The following PSG5 variants were observed in gnomAD, a reference collection of about 807,000 sequenced individuals.
The protein encoded by PSG5 is pregnancy-specific beta-1-glycoprotein 5.
PSG5 carries 53 observed loss-of-function variants against 37.7 expected under a neutral mutation model. That is an observed-to-expected ratio of 1.41 (90% CI 1.13 to 1.77). The LOEUF (loss-of-function observed/expected upper bound fraction) is 1.77, where lower values mean the gene tolerates loss of function less well. Among genes scored for constraint, PSG5 ranks in the 40% most tolerant of loss-of-function variants. The pLI is 0.00. For synonymous variants in PSG5, 221 were observed against 155.4 expected (o/e 1.42, Z -3.14); for missense variants, 547 against 405.2 (o/e 1.35, Z -3.00).
Position 43,169,960 on chromosome 19 carries a change from A to G in PSG5, c.*40+95T>C, listed in dbSNP as rs1056925875. 7 of 729,534 alleles carry G rather than the reference A, an allele frequency of 9.6e-6. No individual in the cohort carries two copies. In the African/African-American group the frequency reaches 1.3e-4, roughly 13 times the overall value. The allele number at this position is 729,534 out of a possible 1,614,324, so 45.2% of individuals were successfully genotyped here. A position where few individuals can be genotyped will look rare whatever the true frequency, so the allele number is the denominator to read the frequency against. On this transcript the variant is annotated intron_variant, in intron 5 of 5. Coordinates refer to ENST00000342951, the MANE Select transcript of PSG5 (RefSeq NM_002781.4). ...AGGAGTTTAGTGGAGGAAGGAGGAG[A>G]TGCAGTCCCAGATACAAGCAAATAA...
At chr19:43,168,295 C>A (rs1187722500) in intron 5 of PSG5, 92 bp from the exon 6 acceptor site, 1 of 351,722 alleles carries the variant, frequency 2.8e-6, no homozygotes, top group African/African-American at 2.1e-5. Flanking sequence ...AATCCAGTTA[C>A]TTCTGTGGCA....
intron 2 of PSG5, among the ~76,000 whole-genome samples, chr19:43,181,381 C>G (rs772845914): frequency 6.6e-6 from 1 of 151,704 alleles, no homozygotes; most frequent in Non-Finnish European, 1.5e-5. Flanking sequence ...TTTCTATTGA[C>G]ACATCCTCAA....
At chr19:43,185,972 CT>C (rs1176423051) in intron 1 of PSG5, among the ~76,000 whole-genome samples, 1 of 150,138 alleles carries the variant, frequency 6.7e-6, no homozygotes, top group East Asian at 1.9e-4. Flanking sequence ...TTTCTTTTTT[CT>C]TTTTTTTCTT....
Position 43,169,094 on chromosome 19 carries a change from G to A in PSG5, c.*41-891C>T, listed in dbSNP as rs887095429. Among the ~76,000 whole-genome samples the A allele has an allele frequency of 3.3e-5, 5 of 151,598 alleles. 1 individual carries two copies. The highest frequency in any genetic ancestry group is 1.2e-4 in the African/African-American group (5 of 41,148). Reference sequence around the variant, plus strand: ...CATCCACTTTTAAAAATGCTTTCCAGTGATTCCAATGTGTAGCTCTATTTC... The same window carrying A: ...CATCCACTTTTAAAAATGCTTTCCAATGATTCCAATGTGTAGCTCTATTTC... On this transcript the variant is annotated intron_variant, in intron 5 of 5. Coordinates refer to ENST00000342951, the MANE Select transcript of PSG5 (RefSeq NM_002781.4).
chr19:43,181,837 G>A (rs1258746127), intron 2 of PSG5, among the ~76,000 whole-genome samples: 1 of 151,670 alleles, frequency 6.6e-6, no homozygotes, highest in Non-Finnish European at 1.5e-5. Flanking sequence ...CAAATTTCAA[G>A]CTTGTTATAT....
Position 43,173,068 on chromosome 19 carries a change from C to A in PSG5, c.964+2147G>T, listed in dbSNP as rs146203432. On this transcript the variant is annotated intron_variant, in intron 4 of 5. Transcript: ENST00000342951. The stretch of plus-strand genomic sequence containing the variant: ...AAATATCATAGCCCAGAAAGAAATG[C>A]TTGCATATATGGCCAAATGATTTTC... Among the ~76,000 whole-genome samples the A allele has an allele frequency of 1.7e-3, 262 of 151,722 alleles. 3 individuals carry two copies. Among genetic ancestry groups the A allele is most frequent in the African/African-American group, 5.9e-3 (244 of 41,290 alleles).
At position 43,185,109 on chromosome 19, in the gene PSG5, G is replaced by A. The variant is rs761155311; in HGVS notation, c.103C>T (p.Gln35Ter). The change falls in exon 2 of 6, where the codon CAA becomes TAA. Residue 35 changes from glutamine to a stop codon, truncating the protein, a stop_gained. Transcript: ENST00000342951. LOFTEE classifies it high-confidence loss of function. ...LNFWNLPITAQVTIEALPPKV... is the reference protein window; with the variant it reads ...LNFWNLPITA The stretch of plus-strand genomic sequence containing the variant: ...GGTGGCAGGGCTTCAATCGTGACTT[G>A]AGCAGTGATAGGCAGGTTCCAGAAG... 2 of 1,610,934 alleles carry A rather than the reference G, an allele frequency of 1.2e-6. No homozygotes were observed.
At chr19:43,174,927 C>T (rs539106730) in intron 4 of PSG5, 6 of 1,279,276 alleles carry the variant, frequency 4.7e-6, no homozygotes, top group African/African-American at 4.6e-5. Context: ...CTTGAGGACT[C>T]TCCTTCTCAT....
At chr19:43,170,445 CT>C in intron 4 of PSG5, 3 of 447,130 alleles carry the variant, frequency 6.7e-6, no homozygotes, top group South Asian at 1.9e-5. Flanking sequence ...ACCTTTTCAC[CT>C]TTTCATGGTT....
rs750911821 is a variant in PSG5 at position 43,175,196 on chromosome 19, G to C, written c.964+19C>G. 1.4e-4 allele frequency: 218 copies of C among 1,612,446 alleles called. 7 individuals carry two copies. The highest frequency in any genetic ancestry group is 8.7e-4 in the Admixed American group (52 of 59,918). ...CTCCACCTAAAACCCTATTGCCAAG[G>C]ATGCTGGGATCCACTTACCAGAGAC... On this transcript the variant is annotated intron_variant, in intron 4 of 5. Coordinates refer to ENST00000342951, the MANE Select transcript of PSG5 (RefSeq NM_002781.4).
Position 43,175,390 on chromosome 19 carries a change from C to G in PSG5, c.789G>C (p.Ala263=), listed in dbSNP as rs115899387. 9 of 1,612,768 alleles carry G rather than the reference C, an allele frequency of 5.6e-6. No homozygotes were observed. The Admixed American group carries it at 1.5e-4, about 27-fold the overall frequency. The change falls in exon 4 of 6, where the codon GCG becomes GCC. Residue 263 remains alanine, a synonymous_variant. Coordinates refer to ENST00000342951, the MANE Select transcript of PSG5 (RefSeq NM_002781.4). ...SGENLYLSCF[A]ESNPPAEYFW... ...AATACTCTGCCGGTGGGTTAGATTCCGCGAAGCAGGACAAGTAGAGGTTTT... is the reference window on the plus strand; with the variant it reads ...AATACTCTGCCGGTGGGTTAGATTCGGCGAAGCAGGACAAGTAGAGGTTTT...
intron 2 of PSG5, among the ~76,000 whole-genome samples, chr19:43,177,507 C>CT (rs376486315): frequency 0.017 from 2,490 of 143,996 alleles, 74 homozygotes; most frequent in South Asian, 0.05. Context: ...TATTCCTGCC[C>CT]TTTTTTTTTT....
At chr19:43,184,343 C>A (rs940891620) in intron 2 of PSG5, among the ~76,000 whole-genome samples, 2 of 151,604 alleles carry the variant, frequency 1.3e-5, no homozygotes. Flanking sequence ...CCAGCACTGG[C>A]ACAGGCTCCT....
intron 5 of PSG5, among the ~76,000 whole-genome samples, chr19:43,168,932 A>G (rs185006942): frequency 1.3e-5 from 2 of 151,700 alleles, no homozygotes; most frequent in Non-Finnish European, 2.9e-5. Flanking sequence ...TCATTCATTT[A>G]GTTTTAAGTT....
chr19:43,185,288 T>G, intron 1 of PSG5, 141 bp from the exon 2 acceptor site: 2 of 1,227,220 alleles, frequency 1.6e-6, no homozygotes, highest in Non-Finnish European at 1.1e-6. Context: ...ACACAAAAGG[T>G]GCATGTTAGT....
At chr19:43,178,948 G>A (rs1969069428) in intron 2 of PSG5, 1 of 1,612,702 alleles carries the variant, frequency 6.2e-7, no homozygotes, top group Non-Finnish European at 8.5e-7. Flanking sequence ...CATTCATAGG[G>A]TCCTGCAATA....
chr19:43,175,768 A>G, intron 3 of PSG5, 102 bp downstream of exon 3: 1 of 1,559,888 alleles, frequency 6.4e-7, no homozygotes, highest in Non-Finnish European at 8.7e-7. Flanking sequence ...TCCAGAAATA[A>G]AGGTGTCTAT....
chr19:43,184,282 G>C (rs1480316350), intron 2 of PSG5, among the ~76,000 whole-genome samples: 3 of 151,726 alleles, frequency 2.0e-5, no homozygotes, highest in African/African-American at 7.3e-5. Context: ...ACAGTCCTCA[G>C]ACAGCTGGTA....
rs752476777 is a variant in PSG5 at position 43,176,086 on chromosome 19, A to C, written c.493T>G (p.Leu165Val). The change falls in exon 3 of 6, where the codon TTA (leucine) becomes GTA (valine). Residue 165 changes from leucine to valine, a missense_variant. Transcript: ENST00000342951. ...CTCTTAGGTTCACAGGTGAAGGCTAAGACATCCTTATTCTCCCTGGGTTTT... is the reference window on the plus strand; with the variant it reads ...CTCTTAGGTTCACAGGTGAAGGCTACGACATCCTTATTCTCCCTGGGTTTT... ...NSKPRENKDV[L>V]AFTCEPKSEN... The C allele has an allele frequency of 1.9e-6, 3 of 1,611,126 alleles. No individual in the cohort carries two copies. The South Asian group carries it at 3.3e-5, about 18-fold the overall frequency.
Sources: gnomAD v4.1 joint callset for allele counts (sites outside exome capture counted in the v4.1 genomes callset) on GRCh38, gnomAD v4.1.1 for gene constraint, MANE v1.5 for transcripts, NCBI Gene and HGNC (gene_info 2026-07-23, HGNC 2026-07-21) for gene names.